Variants in HCN1 observed in about 807,000 individuals in gnomAD.
The protein encoded by HCN1 is potassium/sodium hyperpolarization-activated cyclic nucleotide-gated channel 1.
Under a neutral mutation model 78.9 loss-of-function variants are expected in HCN1, and 13 were observed. The observed-to-expected ratio is 0.16, with a 90% CI of 0.11 to 0.26. The LOEUF (loss-of-function observed/expected upper bound fraction) is 0.26, where lower values mean the gene tolerates loss of function less well. HCN1 is among the 10% of genes least tolerant of loss of function. The pLI, the probability that HCN1 is intolerant of heterozygous loss-of-function variation, is 1.00. For missense variants in HCN1, 810 were observed against 1,154.3 expected (o/e 0.70, Z 4.32); for synonymous variants, 552 against 455.5 (o/e 1.21, Z -2.70).
At chr5:45,302,196 G>A (rs965599767) in intron 6 of HCN1, among the ~76,000 whole-genome samples, 8 of 151,964 alleles carry the variant, frequency 5.3e-5, no homozygotes, top group Non-Finnish European at 7.4e-5. Flanking sequence ...TGTTAAGGGC[G>A]GTGGGACGTG....
chr5:45,524,539 G>A (rs1742688340), intron 2 of HCN1, among the ~76,000 whole-genome samples: 2 of 152,166 alleles, frequency 1.3e-5, no homozygotes, highest in African/African-American at 2.4e-5. Flanking sequence ...TCATTGAGCA[G>A]TGGTTTGTAG....
At chr5:45,503,352 A>G (rs1742229189) in intron 2 of HCN1, among the ~76,000 whole-genome samples, 1 of 152,158 alleles carries the variant, frequency 6.6e-6, no homozygotes, top group African/African-American at 2.4e-5. Flanking sequence ...CTAAAGGCAA[A>G]TGAGTAGGTA....
chr5:45,551,594 G>A (rs1743371699), intron 2 of HCN1, among the ~76,000 whole-genome samples: 1 of 151,666 alleles, frequency 6.6e-6, no homozygotes, highest in Admixed American at 6.6e-5. Flanking sequence ...GCCTCACAAA[G>A]GGCATTGTTT....
intron 2 of HCN1, among the ~76,000 whole-genome samples, chr5:45,630,114 G>C (rs963799174): frequency 1.3e-5 from 2 of 152,124 alleles, no homozygotes; most frequent in African/African-American, 4.8e-5. Flanking sequence ...AGATCATATG[G>C]TAGCACCATC....
At chr5:45,430,429 T>A (rs2112076412) in intron 3 of HCN1, among the ~76,000 whole-genome samples, 1 of 152,070 alleles carries the variant, frequency 6.6e-6, no homozygotes, top group East Asian at 1.9e-4. Context: ...TTTTTTTTAT[T>A]CTCTCCCTTC....
chr5:45,302,951 T>G (rs1472557356), intron 6 of HCN1, among the ~76,000 whole-genome samples: 1 of 152,078 alleles, frequency 6.6e-6, no homozygotes, highest in Non-Finnish European at 1.5e-5. Flanking sequence ...TAAGTCCAAT[T>G]AAACCTCTTT....
chr5:45,277,164 T>C (rs576304917), intron 6 of HCN1, among the ~76,000 whole-genome samples: 3 of 152,208 alleles, frequency 2.0e-5, no homozygotes, highest in East Asian at 3.9e-4. Context: ...TCTCTACATA[T>C]CTTGCCATTT....
intron 2 of HCN1, among the ~76,000 whole-genome samples, chr5:45,518,580 G>A (rs1359946839): frequency 2.0e-5 from 3 of 151,970 alleles, no homozygotes; most frequent in East Asian, 1.9e-4. Flanking sequence ...GAGGCCCAAC[G>A]ACGTAAATAC....
At chr5:45,387,039 C>A (rs1316300383) in intron 4 of HCN1, among the ~76,000 whole-genome samples, 3 of 151,718 alleles carry the variant, frequency 2.0e-5, no homozygotes, top group African/African-American at 7.2e-5. Flanking sequence ...GGAATATAAT[C>A]ATTTATGTTA....
intron 1 of HCN1, among the ~76,000 whole-genome samples, chr5:45,650,001 T>A (rs981489064): frequency 1.3e-4 from 20 of 152,046 alleles, no homozygotes; most frequent in Admixed American, 1.1e-3. Flanking sequence ...AGGTTAGATA[T>A]CTAAAAAACA....
At chr5:45,693,235 A>G (rs1739947869) in intron 1 of HCN1, among the ~76,000 whole-genome samples, 3 of 152,120 alleles carry the variant, frequency 2.0e-5, no homozygotes, top group Admixed American at 6.5e-5. Context: ...AGAAAATCTT[A>G]TATTGGTTTT....
chr5:45,625,038 G>C (rs1745135924), intron 2 of HCN1, among the ~76,000 whole-genome samples: 2 of 152,096 alleles, frequency 1.3e-5, no homozygotes, highest in African/African-American at 4.8e-5. Context: ...GTTAAAGCAA[G>C]GCTACATGTT....
intron 2 of HCN1, among the ~76,000 whole-genome samples, chr5:45,470,259 C>CAT (rs1393757629): frequency 6.6e-6 from 1 of 151,914 alleles, no homozygotes; most frequent in African/African-American, 2.4e-5. Context: ...GCTGTCTTGG[C>CAT]ATATACCTTC....
intron 6 of HCN1, among the ~76,000 whole-genome samples, chr5:45,280,950 A>C (rs1745149345): frequency 6.6e-6 from 1 of 152,010 alleles, no homozygotes; most frequent in African/African-American, 2.4e-5. Context: ...CAGTTGGTTT[A>C]CCAGTTTAAT....
intron 5 of HCN1, among the ~76,000 whole-genome samples, chr5:45,344,759 G>A (rs180817943): frequency 6.6e-6 from 1 of 152,308 alleles, no homozygotes; most frequent in East Asian, 1.9e-4. Flanking sequence ...GGTTTTGCAG[G>A]GTACAGCCCA....
chr5:45,373,516 AAT>A (rs1245047383), intron 4 of HCN1, among the ~76,000 whole-genome samples: 4 of 141,016 alleles, frequency 2.8e-5, no homozygotes, highest in Non-Finnish European at 6.1e-5. Context: ...CATCATCTAT[AAT>A]ATATATTACA....
intron 6 of HCN1, among the ~76,000 whole-genome samples, chr5:45,276,962 T>C (rs1745072904): frequency 6.6e-6 from 1 of 152,086 alleles, no homozygotes; most frequent in Admixed American, 6.6e-5. Flanking sequence ...TGGAAGCTAA[T>C]TTTTATGAAA....
chr5:45,308,542 G>C (rs965624003), intron 5 of HCN1, among the ~76,000 whole-genome samples: 2 of 152,072 alleles, frequency 1.3e-5, no homozygotes, highest in African/African-American at 4.8e-5. Flanking sequence ...ACAGTCTGGG[G>C]TTAAGCAGCA....
intron 5 of HCN1, among the ~76,000 whole-genome samples, chr5:45,349,281 C>A (rs911461877): frequency 1.5e-4 from 23 of 152,038 alleles, no homozygotes; most frequent in Non-Finnish European, 2.5e-4. Flanking sequence ...CTACTGGGTA[C>A]ATAACGAAAT....
Sources: gnomAD v4.1 joint callset for allele counts (sites outside exome capture counted in the v4.1 genomes callset) on GRCh38, gnomAD v4.1.1 for gene constraint, MANE v1.5 for transcripts, NCBI Gene and HGNC (gene_info 2026-07-23, HGNC 2026-07-21) for gene names.